Variants in CNTNAP4 observed in about 807,000 individuals in gnomAD.
CNTNAP4 encodes contactin associated protein family member 4, also known as contactin-associated protein-like 4.
In CNTNAP4, 98 loss-of-function variants were observed where a neutral mutation model predicts 148.4. The observed-to-expected ratio is 0.66, with a 90% confidence interval of 0.56 to 0.78. CNTNAP4 has a LOEUF of 0.78. Ranked by LOEUF, CNTNAP4 falls within the 30% of genes least tolerant of loss-of-function variation. The pLI, the probability that CNTNAP4 is intolerant of heterozygous loss-of-function variation, is 0.00. For missense variants in CNTNAP4, 1,935 were observed against 1,565.6 expected (o/e 1.24, Z -3.98); for synonymous variants, 730 against 565.1 (o/e 1.29, Z -4.14).
At chr16:76,296,048 A>G (rs1477489551) in intron 1 of CNTNAP4, among the ~76,000 whole-genome samples, 1 of 152,180 alleles carries the variant, frequency 6.6e-6, no homozygotes, top group African/African-American at 2.4e-5. Context: ...ACTTCTCTAC[A>G]AAGGATCGTA....
At chr16:76,284,076 A>T (rs1408232107) in intron 1 of CNTNAP4, among the ~76,000 whole-genome samples, 1 of 151,998 alleles carries the variant, frequency 6.6e-6, no homozygotes, top group East Asian at 1.9e-4. Context: ...TTTCATTTTT[A>T]TTCATTCAAT....
Position 76,479,451 on chromosome 16 carries a change from C to T in CNTNAP4, c.1795C>T (p.His599Tyr). ...IYEQSCEAYK[H>Y]RGNTSGFYYI... The stretch of plus-strand genomic sequence containing the variant: ...TGAGCAGTCATGTGAAGCCTATAAG[C>T]ACAGAGGAAATACTTCAGGGTTTTA... The change falls in exon 12 of 24, where the codon CAC becomes TAC. Residue 599 changes from histidine (H) to tyrosine (Y), a missense_variant. Physicochemically the swap from His to Tyr is moderately conservative, Grantham distance 83. Coordinates refer to ENST00000611870, the MANE Select transcript of CNTNAP4 (RefSeq NM_033401.5). The T allele has an allele frequency of 6.2e-7, 1 of 1,610,348 alleles. No individual in the cohort carries two copies. Among genetic ancestry groups the T allele is most frequent in the Non-Finnish European group, 8.5e-7 (1 of 1,178,284 alleles).
intron 23 of CNTNAP4, 27 bp downstream of exon 23, chr16:76,553,934 C>G (rs774817623): frequency 7.2e-7 from 1 of 1,384,264 alleles, no homozygotes; most frequent in Non-Finnish European, 1.0e-6. Context: ...ATGAGCTCTT[C>G]TTTGGTTGTT....
chr16:76,433,406 A>G (rs2079687887), intron 4 of CNTNAP4, among the ~76,000 whole-genome samples: 1 of 152,226 alleles, frequency 6.6e-6, no homozygotes, highest in Non-Finnish European at 1.5e-5. Context: ...CATATTTAAT[A>G]AATTAAACAT....
intron 15 of CNTNAP4, among the ~76,000 whole-genome samples, chr16:76,520,543 G>A (rs1369688995): frequency 1.3e-5 from 2 of 152,038 alleles, no homozygotes; most frequent in Admixed American, 1.3e-4. Context: ...AGATAATTTT[G>A]AATAAAAAGA....
intron 2 of CNTNAP4, among the ~76,000 whole-genome samples, chr16:76,340,952 G>A (rs182672925): frequency 9.7e-4 from 148 of 152,238 alleles, no homozygotes; most frequent in Non-Finnish European, 1.3e-3. Context: ...ATTGGCTCCT[G>A]CTCACCATTT....
At chr16:76,465,999 G>A (rs1377086981) in intron 9 of CNTNAP4, among the ~76,000 whole-genome samples, 1 of 151,990 alleles carries the variant, frequency 6.6e-6, no homozygotes, top group Non-Finnish European at 1.5e-5. Context: ...AAACTAGTGT[G>A]GATTATACAG....
intron 2 of CNTNAP4, among the ~76,000 whole-genome samples, chr16:76,342,666 G>T (rs1946572977): frequency 6.6e-6 from 1 of 151,664 alleles, no homozygotes; most frequent in Non-Finnish European, 1.5e-5. Flanking sequence ...TACTGGCGGG[G>T]TTTCACCGTA....
chr16:76,519,440 C>G (rs189980694), intron 15 of CNTNAP4, among the ~76,000 whole-genome samples: 4 of 152,128 alleles, frequency 2.6e-5, no homozygotes, highest in Admixed American at 2.6e-4. Context: ...CATAATATTA[C>G]CTAATTTAAA....
chr16:76,381,721 A>G lies in CNTNAP4; in HGVS notation c.390+26210A>G, dbSNP rs76176132. On this transcript the variant is annotated intron_variant, in intron 3 of 23. Transcript: ENST00000611870. ...CGGAGATATGCACATATATTTACAT[A>G]TTTTCTTATGCTTTTTAAATAAATG... is the stretch of plus-strand genomic sequence containing the variant. Among the ~76,000 whole-genome samples the G allele has an allele frequency of 2.1e-3, 326 of 152,260 alleles. 1 individual carries two copies. Among genetic ancestry groups the G allele is most frequent in the Non-Finnish European group, 4.0e-3 (271 of 68,014 alleles).
At chr16:76,308,613 G>C (rs1960755120) in intron 1 of CNTNAP4, among the ~76,000 whole-genome samples, 1 of 152,144 alleles carries the variant, frequency 6.6e-6, no homozygotes, top group Admixed American at 6.5e-5. Flanking sequence ...ATTATGAAAG[G>C]AACAATGCTC....
rs367909808 is a variant in CNTNAP4 at position 76,325,762 on chromosome 16, G to T, written c.196+9239G>T. 1.6e-4 allele frequency among the ~76,000 whole-genome samples: 25 copies of T among 151,840 alleles called. 1 individual carries two copies. The South Asian group carries it at 4.6e-3, about 28-fold the overall frequency. Reference sequence around the variant, plus strand: ...TTAAGCCAAAAATAAGCAAAAGGAAGGAAAAAACCCAAAGTGCATTAATTA... The same window carrying T: ...TTAAGCCAAAAATAAGCAAAAGGAATGAAAAAACCCAAAGTGCATTAATTA... On this transcript the variant is annotated intron_variant, in intron 2 of 23. Transcript: ENST00000611870.
At chr16:76,370,591 C>T (rs893396149) in intron 3 of CNTNAP4, among the ~76,000 whole-genome samples, 1 of 152,164 alleles carries the variant, frequency 6.6e-6, no homozygotes, top group South Asian at 2.1e-4. Context: ...CAGTCCACGT[C>T]ACTCAGCCCT....
At chr16:76,464,367 G>T (rs2081097387) in intron 9 of CNTNAP4, among the ~76,000 whole-genome samples, 1 of 152,144 alleles carries the variant, frequency 6.6e-6, no homozygotes. Flanking sequence ...GCTGGTACAG[G>T]CAGTGGGGTG....
At chr16:76,390,916 A>G (rs1025264153) in intron 3 of CNTNAP4, among the ~76,000 whole-genome samples, 7 of 152,040 alleles carry the variant, frequency 4.6e-5, no homozygotes, top group South Asian at 4.2e-4. Context: ...TATGGGGTAC[A>G]TGAGATGTTT....
chr16:76,447,231 G>A (rs2080281195), intron 4 of CNTNAP4, among the ~76,000 whole-genome samples: 1 of 151,834 alleles, frequency 6.6e-6, no homozygotes, highest in South Asian at 2.1e-4. Flanking sequence ...GGTCGCTTGA[G>A]CCTCAGAGGT....
At chr16:76,502,037 C>G (rs1328389143) in intron 15 of CNTNAP4, among the ~76,000 whole-genome samples, 1 of 151,130 alleles carries the variant, frequency 6.6e-6, no homozygotes, top group Non-Finnish European at 1.5e-5. Flanking sequence ...CCACTGCACT[C>G]CAGCCTGGGC....
chr16:76,337,845 C>T (rs1964148472), intron 2 of CNTNAP4, among the ~76,000 whole-genome samples: 1 of 152,170 alleles, frequency 6.6e-6, no homozygotes, highest in South Asian at 2.1e-4. Context: ...TGATATTTCT[C>T]CTACTTGCTT....
intron 15 of CNTNAP4, among the ~76,000 whole-genome samples, chr16:76,512,995 T>C (rs151031975): frequency 2.6e-5 from 4 of 152,084 alleles, no homozygotes; most frequent in Non-Finnish European, 2.9e-5. Context: ...AAGCCTCAGA[T>C]AGATTCAAGG....
Sources: gnomAD v4.1 joint callset for allele counts (sites outside exome capture counted in the v4.1 genomes callset) on GRCh38, gnomAD v4.1.1 for gene constraint, MANE v1.5 for transcripts, NCBI Gene and HGNC (gene_info 2026-07-23, HGNC 2026-07-21) for gene names.